CDK14: variants seen among roughly 807,000 people sequenced by gnomAD.
CDK14 encodes cyclin-dependent kinase 14.
A neutral mutation model predicts 60.7 loss-of-function variants in CDK14; 34 were observed. That is an observed-to-expected ratio of 0.56 (90% CI 0.43 to 0.75). The LOEUF is 0.75. Among genes scored for constraint, CDK14 ranks in the 30% least tolerant of loss-of-function variants. The pLI is 0.00. For synonymous variants in CDK14, 197 were observed against 203.7 expected (o/e 0.97, Z 0.28); for missense variants, 482 against 564.1 (o/e 0.85, Z 1.47).
At chr7:90,789,062 A>G (rs1805716498) in intron 4 of CDK14, among the ~76,000 whole-genome samples, 1 of 152,160 alleles carries the variant, frequency 6.6e-6, no homozygotes, top group Non-Finnish European at 1.5e-5. Flanking sequence ...TGACCTTGCA[A>G]TGGCACTTTT....
intron 4 of CDK14, among the ~76,000 whole-genome samples, chr7:90,756,006 G>C (rs1227828146): frequency 6.6e-6 from 1 of 152,154 alleles, no homozygotes; most frequent in Non-Finnish European, 1.5e-5. Context: ...GAATCTTAGG[G>C]CTTAGAGAGG....
rs560729689 is a variant in CDK14, at chr7:90,784,723, T to C, written c.465-5850T>C. 9.2e-5 allele frequency among the ~76,000 whole-genome samples: 14 copies of C among 152,324 alleles called. No homozygotes were observed. In the South Asian group the frequency reaches 2.7e-3, roughly 29 times the overall value. ...AGTATTGTAGTTAGCACTTTTAGGA[T>C]ATTCCTGAAGAGTAAATGTTAAACA... On this transcript the variant is annotated intron_variant, in intron 4 of 14. Coordinates refer to ENST00000380050, the MANE Select transcript of CDK14 (RefSeq NM_001287135.2).
At chr7:91,027,784 C>G (rs2115912775) in intron 10 of CDK14, among the ~76,000 whole-genome samples, 3 of 6,962 alleles carry the variant, frequency 4.3e-4, no homozygotes, top group Admixed American at 1.5e-3. Flanking sequence ...CCCCTCCCCT[C>G]CCCTCCCCTC....
At chr7:91,175,620 C>G (rs1308238560) in intron 14 of CDK14, among the ~76,000 whole-genome samples, 10 of 151,278 alleles carry the variant, frequency 6.6e-5, no homozygotes, top group Admixed American at 5.9e-4. Context: ...GAAGATCTAC[C>G]AAGCCAATGG....
intron 9 of CDK14, among the ~76,000 whole-genome samples, chr7:90,966,891 C>G (rs1794768314): frequency 6.6e-6 from 1 of 152,116 alleles, no homozygotes; most frequent in South Asian, 2.1e-4. Flanking sequence ...ATGTCTTCAT[C>G]TACATCTTCT....
chr7:90,897,044 A>G (rs545675566), intron 6 of CDK14, among the ~76,000 whole-genome samples: 19 of 152,238 alleles, frequency 1.2e-4, no homozygotes, highest in African/African-American at 4.6e-4. Context: ...TGAAAGGAGT[A>G]AGCAAAACCC....
intron 8 of CDK14, among the ~76,000 whole-genome samples, chr7:90,918,324 T>TA (rs1224375866): frequency 1.3e-5 from 2 of 152,224 alleles, no homozygotes; most frequent in African/African-American, 4.8e-5. Flanking sequence ...AATAGACACT[T>TA]ATTACTATTT....
chr7:90,746,755 C>T (rs980046581), intron 3 of CDK14, among the ~76,000 whole-genome samples: 2 of 152,112 alleles, frequency 1.3e-5, no homozygotes, highest in African/African-American at 4.8e-5. Flanking sequence ...GATGAGGTCA[C>T]TCTCTCTTAG....
chr7:90,769,786 T>G (rs1479480015), intron 4 of CDK14, among the ~76,000 whole-genome samples: 2 of 152,186 alleles, frequency 1.3e-5, no homozygotes, highest in Non-Finnish European at 2.9e-5. Context: ...GATTGCTTAC[T>G]TATTTTATGA....
intron 9 of CDK14, among the ~76,000 whole-genome samples, chr7:90,962,013 T>TGAA (rs1464567726): frequency 6.6e-6 from 1 of 152,248 alleles, no homozygotes; most frequent in Non-Finnish European, 1.5e-5. Context: ...TAAGGACTAC[T>TGAA]GATTACAAAC....
chr7:90,852,857 T>C (rs1468593536), intron 5 of CDK14, among the ~76,000 whole-genome samples: 1 of 152,200 alleles, frequency 6.6e-6, no homozygotes, highest in African/African-American at 2.4e-5. Flanking sequence ...CCTAGGAGGA[T>C]GACTGCCTGA....
chr7:90,694,262 A>C (rs1252285760), intron 2 of CDK14, among the ~76,000 whole-genome samples: 1 of 152,218 alleles, frequency 6.6e-6, no homozygotes, highest in Non-Finnish European at 1.5e-5. Context: ...TAATGATTAC[A>C]TTATAAATAC....
At chr7:90,918,756 T>C (rs1329663744) in intron 8 of CDK14, among the ~76,000 whole-genome samples, 2 of 152,198 alleles carry the variant, frequency 1.3e-5, no homozygotes, top group African/African-American at 4.8e-5. Flanking sequence ...CCACCCCCCA[T>C]TAAATAAAAG....
At chr7:91,119,873 T>C (rs1276900090) in intron 14 of CDK14, among the ~76,000 whole-genome samples, 2 of 152,204 alleles carry the variant, frequency 1.3e-5, no homozygotes, top group African/African-American at 4.8e-5. Context: ...TATTTCTCCC[T>C]GTTGAATAAA....
chr7:90,616,391 T>A (rs1270684037), intron 2 of CDK14, among the ~76,000 whole-genome samples: 1 of 152,228 alleles, frequency 6.6e-6, no homozygotes, highest in Non-Finnish European at 1.5e-5. Flanking sequence ...TCGTTTATTT[T>A]AAATCTTCAG....
intron 3 of CDK14, among the ~76,000 whole-genome samples, chr7:90,739,249 A>C (rs999729902): frequency 6.6e-6 from 1 of 152,224 alleles, no homozygotes; most frequent in Non-Finnish European, 1.5e-5. Flanking sequence ...TTACCACAAA[A>C]TGTGGCAAAG....
intron 4 of CDK14, among the ~76,000 whole-genome samples, chr7:90,788,919 G>A (rs1231526642): frequency 6.6e-6 from 1 of 152,020 alleles, no homozygotes; most frequent in Non-Finnish European, 1.5e-5. Flanking sequence ...AACATATAGT[G>A]TAGGTGAAGG....
At chr7:90,829,201 G>A (rs1254976113) in intron 5 of CDK14, among the ~76,000 whole-genome samples, 1 of 152,076 alleles carries the variant, frequency 6.6e-6, no homozygotes, top group South Asian at 2.1e-4. Context: ...TGGGATTTGG[G>A]TGGGGACACA....
At chr7:91,053,317 C>T (rs1274871006) in intron 11 of CDK14, among the ~76,000 whole-genome samples, 1 of 152,158 alleles carries the variant, frequency 6.6e-6, no homozygotes, top group Non-Finnish European at 1.5e-5. Flanking sequence ...CCAGAGATCT[C>T]ATCCCTCCAG....
Sources: gnomAD v4.1 joint callset for allele counts (sites outside exome capture counted in the v4.1 genomes callset) on GRCh38, gnomAD v4.1.1 for gene constraint, MANE v1.5 for transcripts, NCBI Gene and HGNC (gene_info 2026-07-23, HGNC 2026-07-21) for gene names.